The following PTPRD variants were observed in gnomAD, a reference collection of about 807,000 sequenced individuals.
The protein encoded by PTPRD is receptor-type tyrosine-protein phosphatase delta.
A neutral mutation model predicts 214.5 loss-of-function variants in PTPRD; 34 were observed. The observed-to-expected ratio is 0.16, with a 90% CI of 0.12 to 0.21. PTPRD has a LOEUF of 0.21. Ranked by LOEUF, PTPRD falls within the 10% of genes least tolerant of loss-of-function variation. The probability of loss-of-function intolerance (pLI) is 1.00; values close to 1 mark genes in which losing one functional copy is unlikely to be tolerated. For synonymous variants in PTPRD, 1,128 were observed against 845.7 expected (o/e 1.33, Z -5.79); for missense variants, 2,545 against 2,398.7 (o/e 1.06, Z -1.27).
At chr9:8,328,776 T>G (rs1468908101) in intron 44 of PTPRD, among the ~76,000 whole-genome samples, 1 of 152,156 alleles carries the variant, frequency 6.6e-6, no homozygotes, top group African/African-American at 2.4e-5. Flanking sequence ...TTCATTGAGT[T>G]GATCTTCAAT....
At chr9:9,376,921 T>G (rs1174011285) in intron 9 of PTPRD, among the ~76,000 whole-genome samples, 2 of 151,910 alleles carry the variant, frequency 1.3e-5, no homozygotes, top group African/African-American at 4.8e-5. Flanking sequence ...TCCAAAAAAT[T>G]TGGGCTAGGA....
chr9:10,564,068 C>A (rs866918450), intron 2 of PTPRD, among the ~76,000 whole-genome samples: 1 of 150,572 alleles, frequency 6.6e-6, no homozygotes, highest in African/African-American at 2.4e-5. Context: ...AGCACTGGTG[C>A]GATCATGGCT....
intron 3 of PTPRD, among the ~76,000 whole-genome samples, chr9:10,070,070 A>G (rs1246199246): frequency 3.9e-5 from 6 of 152,086 alleles, no homozygotes; most frequent in Non-Finnish European, 8.8e-5. Context: ...TCAAAGATTA[A>G]TAACAACAAA....
chr9:10,275,046 A>C (rs2094602775), intron 3 of PTPRD, among the ~76,000 whole-genome samples: 1 of 152,144 alleles, frequency 6.6e-6, no homozygotes, highest in Non-Finnish European at 1.5e-5. Flanking sequence ...CTTGGAAATC[A>C]GGGCACTAGT....
intron 14 of PTPRD, among the ~76,000 whole-genome samples, chr9:8,613,309 G>C (rs1442476212): frequency 6.6e-6 from 1 of 152,146 alleles, no homozygotes; most frequent in Non-Finnish European, 1.5e-5. Flanking sequence ...TTCTAGAAGA[G>C]AGAGCAGGAA....
chr9:9,922,808 G>T (rs1488854682), intron 5 of PTPRD, among the ~76,000 whole-genome samples: 1 of 151,984 alleles, frequency 6.6e-6, no homozygotes, highest in Non-Finnish European at 1.5e-5. Flanking sequence ...TGAAAGGCAA[G>T]AAAAGCTGGA....
intron 7 of PTPRD, among the ~76,000 whole-genome samples, chr9:9,611,775 T>C (rs1436185882): frequency 6.6e-6 from 1 of 152,090 alleles, no homozygotes; most frequent in Admixed American, 6.5e-5. Context: ...ATATTAGTGT[T>C]GATATGGTTA....
intron 3 of PTPRD, among the ~76,000 whole-genome samples, chr9:10,193,433 C>G (rs1230186944): frequency 6.6e-6 from 1 of 151,808 alleles, no homozygotes; most frequent in East Asian, 1.9e-4. Context: ...TGCAGATTAC[C>G]CATGAGAGGT....
intron 3 of PTPRD, among the ~76,000 whole-genome samples, chr9:10,313,966 C>T (rs2096346218): frequency 6.6e-6 from 1 of 151,892 alleles, no homozygotes; most frequent in Non-Finnish European, 1.5e-5. Flanking sequence ...TGTTCAACTT[C>T]ATGGAGGTAG....
chr9:9,444,703 C>T (rs565870299), intron 8 of PTPRD, among the ~76,000 whole-genome samples: 2 of 152,238 alleles, frequency 1.3e-5, no homozygotes, highest in Admixed American at 6.5e-5. Flanking sequence ...AACCTTTTCC[C>T]TTTCTTCATA....
intron 12 of PTPRD, among the ~76,000 whole-genome samples, chr9:8,675,644 T>A (rs1378927286): frequency 6.7e-6 from 1 of 148,518 alleles, no homozygotes; most frequent in Non-Finnish European, 1.5e-5. Flanking sequence ...GCCCTGTGCC[T>A]CCTTCAACAT....
At chr9:10,022,974 T>G (rs2096852916) in intron 4 of PTPRD, among the ~76,000 whole-genome samples, 1 of 152,202 alleles carries the variant, frequency 6.6e-6, no homozygotes, top group Non-Finnish European at 1.5e-5. Context: ...TGTCTTTAAA[T>G]GGAATTGTAT....
chr9:8,729,593 G>C (rs76172911), intron 12 of PTPRD, among the ~76,000 whole-genome samples: 7,037 of 152,186 alleles, frequency 0.046, 257 homozygotes, highest in Non-Finnish European at 0.076. Context: ...TTTTAATTCA[G>C]CAAATCCTCG....
At chr9:9,263,970 G>A (rs1937668102) in intron 9 of PTPRD, among the ~76,000 whole-genome samples, 1 of 151,558 alleles carries the variant, frequency 6.6e-6, no homozygotes, top group African/African-American at 2.4e-5. Flanking sequence ...ATATGGAAGA[G>A]ACTCATCCAT....
intron 2 of PTPRD, among the ~76,000 whole-genome samples, chr9:10,483,513 T>C (rs1589194675): frequency 2.0e-5 from 3 of 150,382 alleles, no homozygotes; most frequent in East Asian, 3.9e-4. Context: ...AAAAAAAAAA[T>C]TGTCAACTCT....
In PTPRD at chr9:8,798,966, C is replaced by A. The variant is rs761762044; in HGVS notation, c.-103-65020G>T. Among the ~76,000 whole-genome samples, 9 of 152,096 alleles carry A rather than the reference C, an allele frequency of 5.9e-5. No individual in the cohort carries two copies. In the East Asian group the frequency reaches 1.7e-3, roughly 29 times the overall value. On this transcript the variant is annotated intron_variant, in intron 11 of 45. Coordinates refer to ENST00000381196, the MANE Select transcript of PTPRD (RefSeq NM_002839.4). ...AGCCTGAATGCATAAGCCCAGCCTG[C>A]TTTCCTTACAGGGTTATTATAAGGA...
chr9:10,256,122 T>C (rs757589334), intron 3 of PTPRD, among the ~76,000 whole-genome samples: 2 of 152,184 alleles, frequency 1.3e-5, no homozygotes, highest in East Asian at 1.9e-4. Context: ...TGATCTGTGG[T>C]GGAACAGTTT....
At chr9:10,566,776 CT>C (rs1365340076) in intron 2 of PTPRD, among the ~76,000 whole-genome samples, 2 of 151,960 alleles carry the variant, frequency 1.3e-5, no homozygotes, top group African/African-American at 4.8e-5. Flanking sequence ...TGAAGATACT[CT>C]CATAGCATCT....
rs934767078 is a variant in PTPRD at position 9,176,883 on chromosome 9, G to C, written c.-143+6421C>G. 5.9e-5 allele frequency among the ~76,000 whole-genome samples: 9 copies of C among 152,198 alleles called. No homozygotes were observed. The South Asian group carries it at 1.7e-3, about 28-fold the overall frequency. On this transcript the variant is annotated intron_variant, in intron 10 of 45. Coordinates refer to ENST00000381196, the MANE Select transcript of PTPRD (RefSeq NM_002839.4). ...ACTCATGCGGGGGTATTGTGTTATA[G>C]CAGCACAAAACAGATAAAGACATTA... is the stretch of plus-strand genomic sequence containing the variant.
Sources: allele counts gnomAD v4.1 joint callset (sites outside exome capture counted in the v4.1 genomes callset), GRCh38; gene constraint gnomAD v4.1.1; transcripts MANE v1.5; gene names NCBI Gene and HGNC (gene_info 2026-07-23, HGNC 2026-07-21).